Variants in TTC7A observed in about 807,000 individuals in gnomAD.
The protein encoded by TTC7A is tetratricopeptide repeat domain 7A, also known as tetratricopeptide repeat protein 7A.
In TTC7A, 110 loss-of-function variants were observed where a neutral mutation model predicts 103.7. The ratio of observed to expected loss-of-function variants is 1.06; its 90% confidence interval spans 0.91 to 1.24. The LOEUF (loss-of-function observed/expected upper bound fraction) is 1.24, where lower values mean the gene tolerates loss of function less well. Among genes scored for constraint, TTC7A ranks in the 50% most tolerant of loss-of-function variants. The pLI is 0.00. For synonymous variants in TTC7A, 521 were observed against 467.9 expected (o/e 1.11, Z -1.47); for missense variants, 1,340 against 1,116.3 (o/e 1.20, Z -2.86).
intron 2 of TTC7A, among the ~76,000 whole-genome samples, chr2:46,920,943 C>T (rs374386058): frequency 1.6e-4 from 24 of 150,474 alleles, no homozygotes; most frequent in African/African-American, 5.9e-4. Flanking sequence ...TTTAAAAAGG[C>T]ATCTGACAAA....
chr2:47,050,972 A>T (rs1440404501), intron 17 of TTC7A: 1 of 152,146 alleles, frequency 6.6e-6, no homozygotes, highest in Admixed American at 6.5e-5. Context: ...CTCACATTTC[A>T]CCTGCATGGG....
chr2:47,019,112 A>G (rs1234078755), intron 11 of TTC7A, among the ~76,000 whole-genome samples: 3 of 152,328 alleles, frequency 2.0e-5, no homozygotes, highest in African/African-American at 7.2e-5. Context: ...GTACCCATGT[A>G]TATTAATACT....
At chr2:46,938,984 C>G (rs1396294543), upstream of TTC7A, among the ~76,000 whole-genome samples, 2 of 148,308 alleles carry the variant, frequency 1.3e-5, no homozygotes, top group Admixed American at 6.8e-5. Context: ...GCATTCCAGC[C>G]TGGGCAACAG....
chr2:47,026,436 A>T (rs532692698), intron 14 of TTC7A, among the ~76,000 whole-genome samples: 4 of 152,310 alleles, frequency 2.6e-5, no homozygotes, highest in East Asian at 3.9e-4. Context: ...TGGTGCCCAC[A>T]GCCTGCACAG....
At chr2:46,976,909 C>G (rs984577671) in intron 4 of TTC7A, among the ~76,000 whole-genome samples, 1 of 152,206 alleles carries the variant, frequency 6.6e-6, no homozygotes, top group Admixed American at 6.5e-5. Context: ...AAATATAGGA[C>G]TTGAGTGCCC....
intron 3 of TTC7A, among the ~76,000 whole-genome samples, chr2:46,959,519 G>A (rs955341147): frequency 6.6e-6 from 1 of 152,138 alleles, no homozygotes; most frequent in Non-Finnish European, 1.5e-5. Context: ...GAGGCTCTGT[G>A]GGGGCCCCAG....
chr2:46,976,479 C>T (rs538905766), intron 4 of TTC7A, among the ~76,000 whole-genome samples: 69 of 152,246 alleles, frequency 4.5e-4, no homozygotes, highest in Admixed American at 1.3e-3. Flanking sequence ...GGTCATGGGC[C>T]GAGAGACTAA....
At position 47,047,929 on chromosome 2, in the gene TTC7A, C is replaced by A. The variant is rs186317338; in HGVS notation, c.1919+1498C>A. Among the ~76,000 whole-genome samples the A allele has an allele frequency of 2.3e-3, 356 of 152,278 alleles. 1 individual carries two copies. Among genetic ancestry groups the A allele is most frequent in the African/African-American group, 8.3e-3 (345 of 41,556 alleles). On this transcript the variant is annotated intron_variant, in intron 16 of 19. Coordinates refer to ENST00000319190, the MANE Select transcript of TTC7A (RefSeq NM_020458.4). ...GGGAAAGCCAGGAGGATATTGGATC[C>A]AGGCTCCTGGTCCAGATAGCCCTGC...
At chr2:47,053,543 T>TTTATTTGTTTGG (rs1553410720) in intron 18 of TTC7A, among the ~76,000 whole-genome samples, 1 of 140,138 alleles carries the variant, frequency 7.1e-6, no homozygotes, top group East Asian at 2.1e-4. Flanking sequence ...TGTTTGTTTG[T>TTTATTTGTTTGG]TTGGTTGGTT....
chr2:46,990,584 G>A (rs993922918), intron 5 of TTC7A, among the ~76,000 whole-genome samples: 1 of 152,222 alleles, frequency 6.6e-6, no homozygotes, highest in African/African-American at 2.4e-5. Context: ...GAAGGAGAAA[G>A]GAAGAGAATA....
chr2:47,020,462 G>A (rs1275030836), intron 11 of TTC7A, among the ~76,000 whole-genome samples: 3 of 152,190 alleles, frequency 2.0e-5, no homozygotes, highest in Non-Finnish European at 4.4e-5. Context: ...CTGGGTTCTC[G>A]GGCCTATTGG....
chr2:46,922,577 G>A (rs1459162974), intron 2 of TTC7A, among the ~76,000 whole-genome samples: 1 of 152,092 alleles, frequency 6.6e-6, no homozygotes, highest in Non-Finnish European at 1.5e-5. Flanking sequence ...AAGATATACA[G>A]CTTTACTGTG....
At chr2:47,017,966 G>T (rs943424370) in intron 11 of TTC7A, among the ~76,000 whole-genome samples, 2 of 152,108 alleles carry the variant, frequency 1.3e-5, no homozygotes, top group African/African-American at 2.4e-5. Context: ...ATGAGTAGTT[G>T]TAATTGATAT....
intron 15 of TTC7A, among the ~76,000 whole-genome samples, chr2:47,033,983 G>A (rs1445947471): frequency 5.9e-5 from 9 of 152,212 alleles, no homozygotes; most frequent in African/African-American, 1.2e-4. Context: ...GAGAAAACCC[G>A]GCTTTCGTGG....
rs1682318934 is a variant in TTC7A at position 47,046,371 on chromosome 2, T to C, written c.1859T>C (p.Leu620Pro). Reference protein sequence around the residue: ...EQVLKGPEEALVTCRQVLRLW... With the variant: ...EQVLKGPEEAPVTCRQVLRLW... The stretch of plus-strand genomic sequence containing the variant: ...GTGCTGAAAGGCCCAGAGGAAGCCC[T>C]CGTGACCTGCAGACAAGTGCTGAGG... The change falls in exon 16 of 20, where the codon CTC (leucine) becomes CCC (proline). Residue 620 changes from leucine to proline, a missense_variant. By Grantham distance (98) the Leu-to-Pro change is moderately conservative. Transcript: ENST00000319190. 2.5e-6 allele frequency: 4 copies of C among 1,614,194 alleles called. No individual in the cohort carries two copies. Among genetic ancestry groups the C allele is most frequent in the Non-Finnish European group, 3.4e-6 (4 of 1,180,030 alleles).
intron 14 of TTC7A, among the ~76,000 whole-genome samples, chr2:47,025,738 C>A (rs188957178): frequency 6.2e-4 from 95 of 152,252 alleles, no homozygotes; most frequent in Non-Finnish European, 1.0e-3. Flanking sequence ...TGGCTTCGCT[C>A]CCTTCCTCTT....
At chr2:46,942,704 T>C (rs954578088) in intron 1 of TTC7A, among the ~76,000 whole-genome samples, 3 of 152,134 alleles carry the variant, frequency 2.0e-5, no homozygotes, top group Non-Finnish European at 2.9e-5. Flanking sequence ...AGCTAGCCAA[T>C]AAGTTGTGGA....
At chr2:47,018,177 T>C (rs1050229519) in intron 11 of TTC7A, among the ~76,000 whole-genome samples, 1 of 150,960 alleles carries the variant, frequency 6.6e-6, no homozygotes, top group Admixed American at 6.6e-5. Context: ...CTCAGGAGGC[T>C]GAGACACAAG....
At chr2:46,992,228 C>G (rs1675705193) in intron 5 of TTC7A, among the ~76,000 whole-genome samples, 1 of 152,334 alleles carries the variant, frequency 6.6e-6, no homozygotes, top group South Asian at 2.1e-4. Flanking sequence ...GTGGCAGGAG[C>G]TGCTGGGTGG....
Sources: allele counts gnomAD v4.1 joint callset (sites outside exome capture counted in the v4.1 genomes callset), GRCh38; gene constraint gnomAD v4.1.1; transcripts MANE v1.5; gene names NCBI Gene and HGNC (gene_info 2026-07-23, HGNC 2026-07-21).